The following CC2D2A variants were observed in gnomAD, a reference collection of about 807,000 sequenced individuals.
CC2D2A encodes coiled-coil and C2 domain-containing protein 2A.
In CC2D2A, 155 loss-of-function variants were observed where a neutral mutation model predicts 212.9. The observed-to-expected ratio is 0.73, with a 90% CI of 0.64 to 0.83. The LOEUF (loss-of-function observed/expected upper bound fraction) is 0.83. Among genes scored for constraint, CC2D2A ranks in the 40% least tolerant of loss-of-function variants. CC2D2A has a pLI of 0.00. For missense variants in CC2D2A, 1,856 were observed against 1,956.2 expected (o/e 0.95, Z 0.97); for synonymous variants, 667 against 686.5 (o/e 0.97, Z 0.44).
chr4:15,571,895 C>G lies in CC2D2A; in HGVS notation c.3594+1399C>G, dbSNP rs141926670. 6.3e-3 allele frequency among the ~76,000 whole-genome samples: 952 copies of G among 152,308 alleles called. 5 individuals are homozygous for G. The highest frequency in any genetic ancestry group is 0.013 in the South Asian group (65 of 4,828). ...GAAATAATTACTCTAAACTCCTTGA[C>G]AAGTGAATTTCCTTCACTATATTCT... is the stretch of plus-strand genomic sequence containing the variant. On this transcript the variant is annotated intron_variant, in intron 28 of 36. Transcript: ENST00000424120.
intron 18 of CC2D2A, 103 bp downstream of exon 18, chr4:15,551,083 A>G: frequency 6.6e-6 from 7 of 1,054,504 alleles, no homozygotes; most frequent in South Asian, 5.8e-5. Context: ...TATAAAATTG[A>G]TATCAAAAAT....
chr4:15,478,011 CT>C (rs1714343575), intron 2 of CC2D2A, among the ~76,000 whole-genome samples: 1 of 152,150 alleles, frequency 6.6e-6, no homozygotes. Flanking sequence ...TTCTGTTTAT[CT>C]TGCAACTTTT....
At chr4:15,584,869 C>A (rs1720798361) in intron 30 of CC2D2A, among the ~76,000 whole-genome samples, 1 of 152,094 alleles carries the variant, frequency 6.6e-6, no homozygotes, top group African/African-American at 2.4e-5. Flanking sequence ...CAAAAGAAGA[C>A]AAATGTCCAA....
At chr4:15,531,557 G>A (rs1717849619) in intron 13 of CC2D2A, among the ~76,000 whole-genome samples, 1 of 151,990 alleles carries the variant, frequency 6.6e-6, no homozygotes, top group Admixed American at 6.6e-5. Flanking sequence ...TTTCATTTCT[G>A]AGCAGGAGTC....
intron 33 of CC2D2A, among the ~76,000 whole-genome samples, chr4:15,591,655 G>A (rs928682338): frequency 6.6e-6 from 1 of 152,130 alleles, no homozygotes; most frequent in Non-Finnish European, 1.5e-5. Flanking sequence ...AAAGAGCACT[G>A]TGGAACACCA....
chr4:15,511,520 C>T (rs776953344), intron 8 of CC2D2A, 97 bp downstream of exon 8: 75 of 1,140,464 alleles, frequency 6.6e-5, no homozygotes, highest in Middle Eastern at 2.1e-4. Flanking sequence ...GAGAAACCTG[C>T]CACCACCAGG....
rs771902525 is a variant in CC2D2A, at chr4:15,514,831, T to C, written c.842T>C (p.Met281Thr). The C allele has an allele frequency of 1.2e-6, 2 of 1,613,978 alleles. No homozygotes were observed. The highest frequency in any genetic ancestry group is 2.2e-5 in the East Asian group (1 of 44,872). ...DYESIHDRLQ[M>T]EREMLFIPSR... ...GAAAGCATCCATGATCGGCTGCAGA[T>C]GGAAAGAGAAATGCTCTTCATACCC... is the stretch of plus-strand genomic sequence containing the variant. The change falls in exon 9 of 37, where the codon ATG becomes ACG. Residue 281 changes from methionine (M) to threonine (T), a missense_variant. Around this residue, in one of 5 missense-constraint regions of CC2D2A, gnomAD observed 1,512 missense variants for 1,579.3 expected, o/e 0.96. Coordinates refer to ENST00000424120, the MANE Select transcript of CC2D2A (RefSeq NM_001378615.1).
intron 1 of CC2D2A, among the ~76,000 whole-genome samples, chr4:15,475,364 C>T (rs1714127880): frequency 6.6e-6 from 1 of 151,984 alleles, no homozygotes; most frequent in Non-Finnish European, 1.5e-5. Flanking sequence ...GCCAATAGAG[C>T]AGGAAGAAAA....
At chr4:15,586,373 A>G in intron 31 of CC2D2A, 127 bp downstream of exon 31, 1 of 530,034 alleles carries the variant, frequency 1.9e-6, no homozygotes, top group Non-Finnish European at 3.2e-6. Context: ...GTTTAGTAAT[A>G]TGAGCTAAAT....
chr4:15,477,685 C>T (rs771949402), intron 2 of CC2D2A, among the ~76,000 whole-genome samples: 1 of 152,122 alleles, frequency 6.6e-6, no homozygotes, highest in Non-Finnish European at 1.5e-5. Context: ...AAGAAGGAGT[C>T]CAGAGTGAGG....
intron 4 of CC2D2A, among the ~76,000 whole-genome samples, chr4:15,485,601 T>C (rs929633790): frequency 2.0e-5 from 3 of 152,222 alleles, no homozygotes; most frequent in African/African-American, 7.2e-5. Context: ...ACTAACAGTA[T>C]ACAAGCATTC....
At chr4:15,585,360 G>C (rs909704712) in intron 30 of CC2D2A, among the ~76,000 whole-genome samples, 1 of 152,184 alleles carries the variant, frequency 6.6e-6, no homozygotes, top group Non-Finnish European at 1.5e-5. Flanking sequence ...GGGTGAAGCT[G>C]GTGGGCATGT....
Position 15,485,740 on chromosome 4 carries a change from G to A in CC2D2A, c.247+4913G>A, listed in dbSNP as rs535977061. 2.7e-4 allele frequency among the ~76,000 whole-genome samples: 41 copies of A among 152,134 alleles called. No individual in the cohort carries two copies. The South Asian group carries it at 2.9e-3, about 11-fold the overall frequency. The stretch of plus-strand genomic sequence containing the variant: ...GATTAGTGAATTTGAGCATTTTTGC[G>A]TATACCTGTTGGCCATTTGTATGTC... On this transcript the variant is annotated intron_variant, in intron 4 of 36. Transcript: ENST00000424120.
chr4:15,547,084 A>T (rs1718750973), intron 17 of CC2D2A, among the ~76,000 whole-genome samples: 1 of 152,180 alleles, frequency 6.6e-6, no homozygotes, highest in Admixed American at 6.5e-5. Flanking sequence ...GGAAAAAAAC[A>T]TGCTGGTTAC....
intron 4 of CC2D2A, among the ~76,000 whole-genome samples, chr4:15,494,021 C>A (rs1218121048): frequency 1.3e-5 from 2 of 152,268 alleles, no homozygotes; most frequent in East Asian, 3.9e-4. Flanking sequence ...CAGTTCTTGG[C>A]CCTCCTGAAT....
At position 15,574,339 on chromosome 4, in the gene CC2D2A, A is replaced by G. The variant is rs983458720; in HGVS notation, c.3771+13A>G. ...CATTCGAGAAAAGGTAACTACTTAT[A>G]GTTTGGAAACCCATGTCTATGTTGA... On this transcript the variant is annotated intron_variant, in intron 29 of 36. Coordinates refer to ENST00000424120, the MANE Select transcript of CC2D2A (RefSeq NM_001378615.1). The G allele has an allele frequency of 3.3e-6, 5 of 1,535,302 alleles. No individual in the cohort carries two copies. In the East Asian group the frequency reaches 9.8e-5, roughly 30 times the overall value.
chr4:15,484,951 C>T (rs1301067323), intron 4 of CC2D2A, among the ~76,000 whole-genome samples: 1 of 152,126 alleles, frequency 6.6e-6, no homozygotes, highest in East Asian at 1.9e-4. Flanking sequence ...GCTGGTTCTA[C>T]TTTCCTTCAG....
intron 3 of CC2D2A, 49 bp from the exon 4 acceptor site, chr4:15,480,655 C>A: frequency 1.3e-6 from 2 of 1,574,688 alleles, no homozygotes; most frequent in Non-Finnish European, 1.7e-6. Context: ...GAGGAACAGA[C>A]TCAAATAAAG....
rs1018311367 is a variant in CC2D2A, at chr4:15,502,992, T to C, written c.438+69T>C. On this transcript the variant is annotated intron_variant, in intron 6 of 36. Transcript: ENST00000424120. ...AGAATATAAAGTTTCCAGCAAAAGT[T>C]TTTAGAGCAGAGCTATGCACAGAGG... The C allele has an allele frequency of 2.4e-6, 3 of 1,233,086 alleles. No homozygotes were observed. The African/African-American group carries it at 4.6e-5, about 19-fold the overall frequency. 76.4% of individuals were successfully genotyped at this position (1,233,086 alleles called of 1,614,324 possible). A position where few individuals can be genotyped will look rare whatever the true frequency, so the allele number is the denominator to read the frequency against.
Sources: gnomAD v4.1 joint callset for allele counts (sites outside exome capture counted in the v4.1 genomes callset) on GRCh38, gnomAD v4.1.1 for gene constraint, gnomAD v4.1.1 regional missense constraint, MANE v1.5 for transcripts, NCBI Gene and HGNC (gene_info 2026-07-23, HGNC 2026-07-21) for gene names.